The following PHLPP1 variants were observed in gnomAD, a reference collection of about 807,000 sequenced individuals.
PHLPP1 encodes PH domain and leucine rich repeat protein phosphatase 1, also known as PH domain leucine-rich repeat-containing protein phosphatase 1.
PHLPP1 carries 42 observed loss-of-function variants against 117.2 expected under a neutral mutation model. The ratio of observed to expected loss-of-function variants is 0.36; its 90% CI spans 0.28 to 0.46. PHLPP1 has a LOEUF of 0.46. Ranked by LOEUF, PHLPP1 falls within the 20% of genes least tolerant of loss-of-function variation. The pLI, the probability that PHLPP1 is intolerant of heterozygous loss-of-function variation, is 1.00. For synonymous variants in PHLPP1, 1,042 were observed against 970.7 expected (o/e 1.07, Z -1.37); for missense variants, 2,084 against 2,241.9 (o/e 0.93, Z 1.42).
At chr18:62,889,102 A>T (rs149762192) in intron 4 of PHLPP1, among the ~76,000 whole-genome samples, 1 of 152,190 alleles carries the variant, frequency 6.6e-6, no homozygotes, top group Non-Finnish European at 1.5e-5. Context: ...ACCACAACAG[A>T]TGTGTTTTAA....
chr18:62,791,426 G>A (rs952774634), intron 1 of PHLPP1, among the ~76,000 whole-genome samples: 47 of 152,116 alleles, frequency 3.1e-4, no homozygotes, highest in African/African-American at 1.1e-3. Flanking sequence ...AAAGTATTAA[G>A]AATTGCCATC....
chr18:62,948,557 C>G (rs1435543566), intron 12 of PHLPP1, among the ~76,000 whole-genome samples: 1 of 151,788 alleles, frequency 6.6e-6, no homozygotes, highest in East Asian at 1.9e-4. Context: ...TTTTTTTGCT[C>G]TTTGGTTGAT....
intron 2 of PHLPP1, among the ~76,000 whole-genome samples, chr18:62,835,773 G>GTT (rs1568132510): frequency 3.6e-5 from 5 of 137,872 alleles, no homozygotes; most frequent in Non-Finnish European, 7.8e-5. Flanking sequence ...AATTCAACTG[G>GTT]TTCTTTTTTT....
chr18:62,952,870 C>T (rs1045649786), intron 12 of PHLPP1, among the ~76,000 whole-genome samples: 5 of 152,160 alleles, frequency 3.3e-5, no homozygotes, highest in African/African-American at 1.2e-4. Flanking sequence ...AATCCTTCCA[C>T]AACGGTCTCC....
At position 62,941,827 on chromosome 18, in the gene PHLPP1, C is replaced by T. The variant is rs750097014; in HGVS notation, c.3070C>T (p.Leu1024Phe). The change falls in exon 11 of 17, where the codon CTC becomes TTC. Residue 1024 changes from leucine to phenylalanine, a missense_variant. By Grantham distance (22) the Leu-to-Phe change is conservative (BLOSUM62 0). Coordinates refer to ENST00000262719, the MANE Select transcript of PHLPP1 (RefSeq NM_194449.4). ...AGAGTTGTATTTGACAAATAACAGC[C>T]TCACAGACAAATGTGTGCCCTTGTT... is the stretch of plus-strand genomic sequence containing the variant. ...LQELYLTNNS[L>F]TDKCVPLLTG... The T allele has an allele frequency of 2.5e-6, 4 of 1,613,950 alleles. No individual in the cohort carries two copies. The highest frequency in any genetic ancestry group is 1.7e-5 in the Admixed American group (1 of 60,028).
intron 3 of PHLPP1, among the ~76,000 whole-genome samples, chr18:62,859,568 C>A (rs1915580650): frequency 6.6e-6 from 1 of 152,206 alleles, no homozygotes; most frequent in Admixed American, 6.5e-5. Flanking sequence ...TCTGATTCTA[C>A]TGTACCATTA....
At chr18:62,736,750 A>G (rs1478877322) in intron 1 of PHLPP1, among the ~76,000 whole-genome samples, 1 of 152,174 alleles carries the variant, frequency 6.6e-6, no homozygotes, top group African/African-American at 2.4e-5. Flanking sequence ...TTAGTTGGTA[A>G]ATGGGCCTGG....
intron 1 of PHLPP1, among the ~76,000 whole-genome samples, chr18:62,764,020 G>A (rs955995462): frequency 2.0e-5 from 3 of 151,686 alleles, no homozygotes; most frequent in African/African-American, 4.8e-5. Context: ...AAAATTAGCC[G>A]GGCGTGGTGG....
intron 6 of PHLPP1, among the ~76,000 whole-genome samples, chr18:62,901,644 G>A (rs903819691): frequency 4.4e-5 from 6 of 135,184 alleles, no homozygotes; most frequent in Non-Finnish European, 9.4e-5. Context: ...TTTTTTTTGA[G>A]ATGGAGTCTC....
At chr18:62,849,828 A>ATATATATAT (rs1297336371) in intron 3 of PHLPP1, among the ~76,000 whole-genome samples, 6 of 26,118 alleles carry the variant, frequency 2.3e-4, no homozygotes, top group East Asian at 7.3e-4. Context: ...AAAAAAAAAA[A>ATATATATAT]AAAAATATAT....
intron 1 of PHLPP1, among the ~76,000 whole-genome samples, chr18:62,765,976 C>T (rs1159624008): frequency 1.3e-4 from 19 of 144,888 alleles, no homozygotes; most frequent in Admixed American, 9.7e-4. Flanking sequence ...CCAGCCTGGG[C>T]GACAGAGCGA....
chr18:62,805,291 A>G (rs1180537042), intron 1 of PHLPP1, among the ~76,000 whole-genome samples: 2 of 147,312 alleles, frequency 1.4e-5, no homozygotes, highest in African/African-American at 2.5e-5. Context: ...AGTATAATAT[A>G]CACTGCATAG....
intron 3 of PHLPP1, among the ~76,000 whole-genome samples, chr18:62,846,154 A>T (rs1915175442): frequency 6.9e-6 from 1 of 145,634 alleles, no homozygotes; most frequent in Admixed American, 7.3e-5. Flanking sequence ...GGTTGCAGTG[A>T]CCCAAGATGG....
At chr18:62,918,050 A>G (rs1213519299) in intron 9 of PHLPP1, among the ~76,000 whole-genome samples, 1 of 151,808 alleles carries the variant, frequency 6.6e-6, no homozygotes, top group Non-Finnish European at 1.5e-5. Flanking sequence ...ACTAAAAAAT[A>G]TGAAAATTAG....
Position 62,715,725 on chromosome 18 carries a change from G to C in PHLPP1, c.42G>C (p.Glu14Asp). 7.9e-7 allele frequency: 1 copy of C among 1,266,428 alleles called. No homozygotes were observed. The highest frequency in any genetic ancestry group is 1.0e-6 in the Non-Finnish European group (1 of 1,002,230). The allele number at this position is 1,266,428 out of a possible 1,614,324, so 78.4% of individuals were successfully genotyped here. The stretch of plus-strand genomic sequence containing the variant: ...CGGCCACGGTACAGCGACTCCCCGA[G>C]CTCGGCAGGGAGGACCGAGCTTCGG... ...AAAATVQRLP[E>D]LGREDRASAP... The change falls in exon 1 of 17, where the codon GAG becomes GAC. Residue 14 changes from glutamate to aspartate, a missense_variant. Transcript: ENST00000262719.
At chr18:62,860,324 T>G in intron 3 of PHLPP1, 111 bp from the exon 4 acceptor site, 1 of 866,162 alleles carries the variant, frequency 1.2e-6, no homozygotes, top group East Asian at 2.6e-5. Flanking sequence ...GGACTAACAG[T>G]GCTACTTTCA....
intron 1 of PHLPP1, 21 bp downstream of exon 1, chr18:62,717,280 G>T: frequency 1.0e-5 from 16 of 1,541,506 alleles, no homozygotes; most frequent in Non-Finnish European, 1.4e-5. Flanking sequence ...CACCTGCCTT[G>T]ACGGGTGGTT....
intron 10 of PHLPP1, among the ~76,000 whole-genome samples, chr18:62,935,252 A>G (rs1040744482): frequency 6.6e-6 from 1 of 152,212 alleles, no homozygotes; most frequent in Non-Finnish European, 1.5e-5. Flanking sequence ...ATTGGAAGAC[A>G]TATTATATTG....
intron 10 of PHLPP1, among the ~76,000 whole-genome samples, chr18:62,920,492 TG>T (rs769655160): frequency 1.2e-4 from 18 of 152,198 alleles, no homozygotes; most frequent in Non-Finnish European, 2.1e-4. Flanking sequence ...TTTGGGACTT[TG>T]GGAGATGGAG....
Sources: allele counts gnomAD v4.1 joint callset (sites outside exome capture counted in the v4.1 genomes callset), GRCh38; gene constraint gnomAD v4.1.1; transcripts MANE v1.5; gene names NCBI Gene and HGNC (gene_info 2026-07-23, HGNC 2026-07-21).